The following ARL10 variants were observed in gnomAD, a reference collection of about 807,000 sequenced individuals.
The protein encoded by ARL10 is ADP-ribosylation factor-like protein 10.
In ARL10, 23 loss-of-function variants were observed where a neutral mutation model predicts 26.1. That is an observed-to-expected ratio of 0.88 (90% confidence interval 0.63 to 1.25). ARL10 has a LOEUF of 1.25. Among genes scored for constraint, ARL10 ranks in the 50% most tolerant of loss-of-function variants. The pLI, the probability that ARL10 is intolerant of heterozygous loss-of-function variation, is 0.00. For missense variants in ARL10, 300 were observed against 323.6 expected, an observed-to-expected ratio of 0.93 and a Z score of 0.56; for synonymous variants, 138 against 149.1, an observed-to-expected ratio of 0.93 and a Z score of 0.54.
At chr5:176,414,883 C>T in the ARL10 span, among the ~76,000 whole-genome samples, 6 of 152,192 alleles carry the variant, frequency 3.9e-5, no homozygotes, top group Admixed American at 1.3e-4. Context: ...GTATCCCCAG[C>T]GTCCTGACAC....
intron 3 of ARL10, among the ~76,000 whole-genome samples, chr5:176,369,777 G>A (rs1018019039): frequency 8.6e-5 from 13 of 151,938 alleles, no homozygotes; most frequent in Non-Finnish European, 1.6e-4. Context: ...GCAACATGGT[G>A]AAACTCCGTC....
chr5:176,399,704 G>A (rs1325372550), intron 1 of ARL10, among the ~76,000 whole-genome samples: 5 of 149,372 alleles, frequency 3.3e-5, no homozygotes, highest in Middle Eastern at 3.8e-3. Flanking sequence ...GACCAGCCTG[G>A]CCAACATGGC....
downstream of ARL10, chr5:176,406,736 C>A: frequency 7.8e-7 from 1 of 1,275,072 alleles, no homozygotes; most frequent in Non-Finnish European, 1.0e-6. Context: ...AAAGGAAGCA[C>A]AAAAGCTCTG....
At chr5:176,389,429 G>GCC, downstream of ARL10, 1 of 1,614,116 alleles carries the variant, frequency 6.2e-7, no homozygotes, top group Non-Finnish European at 8.5e-7. Flanking sequence ...CCGGATCGCC[G>GCC]CCCAGGGTTT....
chr5:176,371,755 C>T lies in ARL10; in HGVS notation c.595C>T (p.Gln199Ter). 1 of 1,614,212 alleles carries T rather than the reference C, an allele frequency of 6.2e-7. No homozygotes were observed. The change falls in exon 4 of 4, where the codon CAG becomes TAG. Residue 199 changes from glutamine to a stop codon, truncating the protein, a stop_gained. Transcript: ENST00000310389. LOFTEE classifies it high-confidence loss of function. Reference protein sequence around the residue: ...LSEAMSMGELQRELGLQAIDN... With the variant: ...LSEAMSMGEL ...CGAGGCCATGAGTATGGGGGAGCTG[C>T]AGCGGGAGCTGGGTCTACAGGCTAT...
the ARL10 span, among the ~76,000 whole-genome samples, chr5:176,411,528 C>G: frequency 6.6e-6 from 1 of 152,172 alleles, no homozygotes; most frequent in African/African-American, 2.4e-5. Flanking sequence ...CTTGGGCACC[C>G]CTTCCTATTC....
At chr5:176,396,606 TAGAGAG>T in intron 1 of ARL10, 2 of 980,120 alleles carry the variant, frequency 2.0e-6, no homozygotes, top group African/African-American at 1.6e-5. Flanking sequence ...GGCAGAAGGT[TAGAGAG>T]AGAGAGAGAG....
chr5:176,413,657 A>G, the ARL10 span, among the ~76,000 whole-genome samples: 3 of 152,218 alleles, frequency 2.0e-5, no homozygotes, highest in Non-Finnish European at 4.4e-5. Context: ...CCCAGCTCTC[A>G]GCAGGCCAGG....
In ARL10 at chr5:176,378,678, C is replaced by G. The variant is rs1755467874; in HGVS notation, c.*6783C>G. The G allele has an allele frequency of 6.6e-6, 1 of 152,214 alleles. No homozygotes were observed. The highest frequency in any genetic ancestry group is 2.4e-5 in the African/African-American group (1 of 41,460). 9.4% of individuals were successfully genotyped at this position (152,214 alleles called of 1,614,324 possible). A position where few individuals can be genotyped will look rare whatever the true frequency, so the allele number is the denominator to read the frequency against. ...GGGAAGAGTCCGCTTTTTATTAACT[C>G]ATTTTGGGTTTTAATGACATATTTT... On this transcript the variant is annotated 3_prime_UTR_variant, in exon 4 of 4. Transcript: ENST00000310389.
the ARL10 span, among the ~76,000 whole-genome samples, chr5:176,413,119 C>A: frequency 1.3e-5 from 2 of 152,200 alleles, no homozygotes; most frequent in African/African-American, 4.8e-5. Flanking sequence ...ACACAGCATT[C>A]CAAGTACCTG....
At chr5:176,388,084 T>A in intron 1 of ARL10, 1 of 618,404 alleles carries the variant, frequency 1.6e-6, no homozygotes, top group Middle Eastern at 2.8e-4. Context: ...AGACCCTTGC[T>A]CAACGTCAGT....
chr5:176,400,049 G>T (rs1294595921), intron 1 of ARL10, among the ~76,000 whole-genome samples: 1 of 151,844 alleles, frequency 6.6e-6, no homozygotes, highest in African/African-American at 2.4e-5. Context: ...AAATTAGCTG[G>T]GTGTGGTGGC....
In ARL10 at chr5:176,374,997, A is replaced by G. The variant is rs1046798078; in HGVS notation, c.*3102A>G. On this transcript the variant is annotated 3_prime_UTR_variant, in exon 4 of 4. Coordinates refer to ENST00000310389, the MANE Select transcript of ARL10 (RefSeq NM_173664.6). The stretch of plus-strand genomic sequence containing the variant: ...AGCGTTCAGTTTTGTTCAGCACCAT[A>G]CACAAGCTCCTAGCTGGGCAAAGGA... The G allele has an allele frequency of 6.6e-6, 1 of 152,232 alleles. No homozygotes were observed. Among genetic ancestry groups the G allele is most frequent in the South Asian group, 2.1e-4 (1 of 4,836 alleles). 9.4% of individuals were successfully genotyped at this position (152,232 alleles called of 1,614,324 possible). A position where few individuals can be genotyped will look rare whatever the true frequency, so the allele number is the denominator to read the frequency against.
In ARL10 at chr5:176,376,179, G is replaced by A. The variant is rs937819006; in HGVS notation, c.*4284G>A. 1 of 152,196 alleles carries A rather than the reference G, an allele frequency of 6.6e-6. No individual in the cohort carries two copies. Among genetic ancestry groups the A allele is most frequent in the African/African-American group, 2.4e-5 (1 of 41,442 alleles). The allele number at this position is 152,196 out of a possible 1,614,324, so 9.4% of individuals were successfully genotyped here. On this transcript the variant is annotated 3_prime_UTR_variant, in exon 4 of 4. Transcript: ENST00000310389. ...GATCGAGACAATCCTGGCTAACACA[G>A]TGAAACCCTGTCTCTACTATAAAAT...
chr5:176,390,739 G>A (rs958198286), downstream of ARL10, among the ~76,000 whole-genome samples: 1 of 152,236 alleles, frequency 6.6e-6, no homozygotes, highest in Non-Finnish European at 1.5e-5. Context: ...GAGCCACCAC[G>A]CCCAGCCTAG....
In ARL10 at chr5:176,379,683, A is replaced by C. The variant is rs1250146477; in HGVS notation, c.*7788A>C. ...GTTTCTAAATGAGCTCTATAATCTG[A>C]AACCGGTTCATCTTTCTTTTGCCCA... On this transcript the variant is annotated 3_prime_UTR_variant, in exon 4 of 4. Coordinates refer to ENST00000310389, the MANE Select transcript of ARL10 (RefSeq NM_173664.6). 1 of 152,208 alleles carries C rather than the reference A, an allele frequency of 6.6e-6. No homozygotes were observed. The highest frequency in any genetic ancestry group is 6.5e-5 in the Admixed American group (1 of 15,284). The allele number at this position is 152,208 out of a possible 1,614,324, so 9.4% of individuals were successfully genotyped here.
intron 1 of ARL10, 146 bp from the exon 2 acceptor site, chr5:176,366,234 G>A (rs1015858654): frequency 1.1e-6 from 1 of 909,288 alleles, no homozygotes; most frequent in Non-Finnish European, 1.6e-6. Flanking sequence ...CTGCAAAGGC[G>A]GCGTTCGTCC....
At chr5:176,392,534 T>A, downstream of ARL10, 1 of 508,670 alleles carries the variant, frequency 2.0e-6, no homozygotes, top group Non-Finnish European at 3.5e-6. This position sits in a 1 kb window ranked among gnomAD's most constrained non-coding sequence, Gnocchi z 5.2. Context: ...AGAAAAAAAA[T>A]ACATCAGGAG....
intron 2 of ARL10, chr5:176,367,830 GTT>G (rs1768373184): frequency 1.2e-5 from 6 of 499,482 alleles, no homozygotes; most frequent in Admixed American, 2.2e-5. Context: ...CCTTTTTTCT[GTT>G]TTATTTCTTT....
Sources: allele counts gnomAD v4.1 joint callset (sites outside exome capture counted in the v4.1 genomes callset), GRCh38; gene constraint gnomAD v4.1.1; non-coding constraint Gnocchi (gnomAD v3.1); transcripts MANE v1.5; gene names NCBI Gene and HGNC (gene_info 2026-07-23, HGNC 2026-07-21).